The following SLC25A38 variants were observed in gnomAD, a reference collection of about 807,000 sequenced individuals.
The protein encoded by SLC25A38 is solute carrier family 25 member 38, also known as mitochondrial glycine transporter.
A neutral mutation model predicts 33.4 loss-of-function variants in SLC25A38; 27 were observed. That is an observed-to-expected ratio of 0.81 (90% CI 0.60 to 1.11). The LOEUF is 1.11. Ranked by LOEUF, SLC25A38 falls within the 50% of genes most tolerant of loss-of-function variation. The pLI is 0.00. For missense variants in SLC25A38, 344 were observed against 388.8 expected (o/e 0.88, Z 0.97); for synonymous variants, 123 against 145.9 (o/e 0.84, Z 1.13).
At chr3:39,391,832 G>C in intron 4 of SLC25A38, 21 bp from the exon 5 acceptor site, 1 of 1,612,918 alleles carries the variant, frequency 6.2e-7, no homozygotes. Flanking sequence ...GCGAGTCACT[G>C]GTTCTGTGCT....
chr3:39,390,138 G>A (rs760952654), intron 2 of SLC25A38, among the ~76,000 whole-genome samples: 16 of 152,064 alleles, frequency 1.1e-4, no homozygotes, highest in Non-Finnish European at 2.2e-4. Flanking sequence ...ATGGGGTTTC[G>A]CCATGTTGGC....
Position 39,389,654 on chromosome 3 carries a change from ACTT to A in SLC25A38, c.191+41_191+43del. On this transcript the variant is annotated intron_variant, in intron 2 of 6. Coordinates refer to ENST00000650617, the MANE Select transcript of SLC25A38 (RefSeq NM_017875.4). The surrounding 1 kb of genome is among the most constrained non-coding windows in gnomAD (Gnocchi z 4.5). ...TTTCATTGGGGAACTGATTTCAGCA[ACTT>A]CTCAGACACAGGAACATCTTTACTG... 1 of 1,614,094 alleles carries A rather than the reference ACTT, an allele frequency of 6.2e-7. No individual in the cohort carries two copies. Among genetic ancestry groups the A allele is most frequent in the Non-Finnish European group, 8.5e-7 (1 of 1,179,992 alleles).
chr3:39,392,056 C>G, intron 5 of SLC25A38, 35 bp downstream of exon 5: 2 of 1,612,724 alleles, frequency 1.2e-6, no homozygotes, highest in African/African-American at 2.7e-5. Flanking sequence ...AAGAGCTATC[C>G]TTGAGACATC....
At chr3:39,390,906 C>A (rs1369860811) in intron 3 of SLC25A38, among the ~76,000 whole-genome samples, 2 of 152,204 alleles carry the variant, frequency 1.3e-5, no homozygotes, top group Non-Finnish European at 2.9e-5. Flanking sequence ...AATCCATACA[C>A]TGATTTCTCT....
At position 39,383,507 on chromosome 3, in the gene SLC25A38, T is replaced by A. The variant is rs1264897885; in HGVS notation, c.-218T>A. 9 of 593,784 alleles carry A rather than the reference T, an allele frequency of 1.5e-5. No homozygotes were observed. The allele number at this position is 593,784 out of a possible 1,614,324, so 36.8% of individuals were successfully genotyped here. ...GCGCGGGTGAAGAGCGGCGCGTAAT[T>A]CCCGCAGCAAGATTGTTCCGCGCCC... On this transcript the variant is annotated 5_prime_UTR_variant, in exon 1 of 7. Transcript: ENST00000650617.
In SLC25A38 at chr3:39,389,710, T is replaced by C; in HGVS notation, c.191+94T>C. Reference sequence around the variant, plus strand: ...TTAAGTCAACTTCCATTCTGTTGGATGTTCAGAGAGAAACACAGGCCATGC... The same window carrying C: ...TTAAGTCAACTTCCATTCTGTTGGACGTTCAGAGAGAAACACAGGCCATGC... On this transcript the variant is annotated intron_variant, in intron 2 of 6. Transcript: ENST00000650617. This position sits in a 1 kb window ranked among gnomAD's most constrained non-coding sequence, Gnocchi z 4.5. 6.2e-7 allele frequency: 1 copy of C among 1,600,452 alleles called. No individual in the cohort carries two copies. Among genetic ancestry groups the C allele is most frequent in the South Asian group, 1.1e-5 (1 of 90,144 alleles).
chr3:39,383,720 C>T lies in SLC25A38; in HGVS notation c.-5C>T, dbSNP rs2041673705. On this transcript the variant is annotated 5_prime_UTR_variant, in exon 1 of 7. Transcript: ENST00000650617. ...GGCCCAGAGGACTCGCGGGCCTCAT[C>T]TCCAATGATTCAGAACTCACGTCCG... 6.2e-7 allele frequency: 1 copy of T among 1,614,112 alleles called. No homozygotes were observed. The highest frequency in any genetic ancestry group is 8.5e-7 in the Non-Finnish European group (1 of 1,179,958).
At chr3:39,391,722 A>G (rs1413118842) in intron 4 of SLC25A38, 102 bp downstream of exon 4, 7 of 1,597,172 alleles carry the variant, frequency 4.4e-6, no homozygotes, top group Non-Finnish European at 6.0e-6. Context: ...TCTAACATAG[A>G]GTCTGATGTG....
At chr3:39,388,765 T>C (rs902422091) in intron 1 of SLC25A38, among the ~76,000 whole-genome samples, 2 of 152,194 alleles carry the variant, frequency 1.3e-5, no homozygotes, top group African/African-American at 4.8e-5. Context: ...TGCTGTCCTG[T>C]AATGATAGCA....
Position 39,383,711 on chromosome 3 carries a change from G to C in SLC25A38, c.-14G>C. The C allele has an allele frequency of 6.2e-7, 1 of 1,614,032 alleles. No homozygotes were observed. Among genetic ancestry groups the C allele is most frequent in the South Asian group, 1.1e-5 (1 of 91,082 alleles). The stretch of plus-strand genomic sequence containing the variant: ...GGCACCCTGGGCCCAGAGGACTCGC[G>C]GGCCTCATCTCCAATGATTCAGAAC... On this transcript the variant is annotated 5_prime_UTR_variant, in exon 1 of 7. Coordinates refer to ENST00000650617, the MANE Select transcript of SLC25A38 (RefSeq NM_017875.4).
At chr3:39,395,089 A>G (rs2041812596) in intron 6 of SLC25A38, among the ~76,000 whole-genome samples, 1 of 152,228 alleles carries the variant, frequency 6.6e-6, no homozygotes, top group South Asian at 2.1e-4. Flanking sequence ...CATAAAATAC[A>G]CTAACACTAA....
intron 1 of SLC25A38, 103 bp downstream of exon 1, chr3:39,383,896 G>A: frequency 7.6e-7 from 1 of 1,316,864 alleles, no homozygotes; most frequent in Non-Finnish European, 1.1e-6. Context: ...CCGCGCCCCA[G>A]GGTGCGCTCA....
intron 5 of SLC25A38, among the ~76,000 whole-genome samples, chr3:39,393,405 C>A (rs998236717): frequency 6.6e-6 from 1 of 152,050 alleles, no homozygotes; most frequent in Admixed American, 6.5e-5. Context: ...AAACATGATG[C>A]CCTTTTAACT....
rs183092524 is a variant in SLC25A38 at position 39,393,733 on chromosome 3, A to T, written c.626-677A>T. ...AGGCTGGTCTTGAACTCCCAGGCTC[A>T]AGTGATCCTCCCGCCTCGGCCTCCG... On this transcript the variant is annotated intron_variant, in intron 5 of 6. Coordinates refer to ENST00000650617, the MANE Select transcript of SLC25A38 (RefSeq NM_017875.4). Among the ~76,000 whole-genome samples, 4 of 152,342 alleles carry T rather than the reference A, an allele frequency of 2.6e-5. No individual in the cohort carries two copies. The East Asian group carries it at 7.7e-4, about 29-fold the overall frequency.
At position 39,391,934 on chromosome 3, in the gene SLC25A38, G is replaced by A. The variant is rs2041775310; in HGVS notation, c.538G>A (p.Gly180Ser). ...HSEGHRGLFS[G>S]LTATLLRDAP... ...TGAGGGGCACCGGGGCCTCTTCAGT[G>A]GCCTGACAGCAACTCTCCTTCGAGA... Residue 180 changes from glycine to serine, a missense_variant, in exon 5 of 7, where the codon GGC becomes AGC. Transcript: ENST00000650617. 1 of 1,614,100 alleles carries A rather than the reference G, an allele frequency of 6.2e-7. No homozygotes were observed. Among genetic ancestry groups the A allele is most frequent in the Non-Finnish European group, 8.5e-7 (1 of 1,179,978 alleles).
intron 5 of SLC25A38, among the ~76,000 whole-genome samples, chr3:39,393,201 G>A (rs970022916): frequency 6.6e-6 from 1 of 152,216 alleles, no homozygotes; most frequent in African/African-American, 2.4e-5. Context: ...CACGAGAATC[G>A]CTTAAGCCTG....
intron 1 of SLC25A38, chr3:39,384,500 G>C: frequency 2.6e-6 from 1 of 389,706 alleles, no homozygotes; most frequent in Non-Finnish European, 4.5e-6. Context: ...CCGAGGTAGG[G>C]GCGGCTTTTA....
At chr3:39,385,510 G>T (rs563574486) in intron 1 of SLC25A38, among the ~76,000 whole-genome samples, 1 of 152,278 alleles carries the variant, frequency 6.6e-6, no homozygotes, top group South Asian at 2.1e-4. Flanking sequence ...GAAACTAACT[G>T]CAGGTCATTC....
chr3:39,392,737 C>G lies in SLC25A38; in HGVS notation c.625+716C>G, dbSNP rs75188375. Among the ~76,000 whole-genome samples, 49 of 152,196 alleles carry G rather than the reference C, an allele frequency of 3.2e-4. 2 individuals are homozygous for G. In the East Asian group the frequency reaches 9.1e-3, roughly 28 times the overall value. ...GATAATTTGAGCAAGGAATTGCAAC[C>G]AAGGTCCTTTAATTAGGAATGTCAG... On this transcript the variant is annotated intron_variant, in intron 5 of 6. Transcript: ENST00000650617.
Sources: allele counts gnomAD v4.1 joint callset (sites outside exome capture counted in the v4.1 genomes callset), GRCh38; gene constraint gnomAD v4.1.1; non-coding constraint Gnocchi (gnomAD v3.1); transcripts MANE v1.5; gene names NCBI Gene and HGNC (gene_info 2026-07-23, HGNC 2026-07-21).